NTRK3: variants seen among roughly 807,000 people sequenced by gnomAD.
The protein encoded by NTRK3 is neurotrophic receptor tyrosine kinase 3, also known as NT-3 growth factor receptor.
Under a neutral mutation model 91.7 loss-of-function variants are expected in NTRK3, and 24 were observed. The ratio of observed to expected loss-of-function variants is 0.26; its 90% CI spans 0.19 to 0.37. NTRK3 has a LOEUF of 0.37. NTRK3 is among the 10% of genes least tolerant of loss of function. The pLI is 1.00. For synonymous variants in NTRK3, 483 were observed against 404.0 expected (o/e 1.20, Z -2.34); for missense variants, 880 against 1,068.9 (o/e 0.82, Z 2.46).
chr15:88,093,529 A>C (rs2049248951), intron 13 of NTRK3, among the ~76,000 whole-genome samples: 1 of 152,198 alleles, frequency 6.6e-6, no homozygotes. Context: ...CAGACCACAC[A>C]GCTCATAAAT....
At chr15:87,963,707 T>C (rs907017647) in intron 14 of NTRK3, among the ~76,000 whole-genome samples, 1 of 152,206 alleles carries the variant, frequency 6.6e-6, no homozygotes, top group Non-Finnish European at 1.5e-5. Context: ...ATTTTCAACC[T>C]GTGATATTTT....
At chr15:87,959,593 C>A (rs1039771010) in intron 14 of NTRK3, among the ~76,000 whole-genome samples, 1 of 152,172 alleles carries the variant, frequency 6.6e-6, no homozygotes, top group Non-Finnish European at 1.5e-5. Flanking sequence ...ATTCTACCAG[C>A]AAATACCTAA....
intron 3 of NTRK3, among the ~76,000 whole-genome samples, chr15:88,230,109 T>C (rs1340353148): frequency 1.3e-5 from 2 of 152,232 alleles, no homozygotes; most frequent in East Asian, 3.9e-4. Context: ...AGTTCCATTG[T>C]CTCAGTTTCT....
intron 3 of NTRK3, among the ~76,000 whole-genome samples, chr15:88,224,707 T>A (rs1398203606): frequency 6.6e-6 from 1 of 152,232 alleles, no homozygotes; most frequent in East Asian, 1.9e-4. Flanking sequence ...AGAAACGCAC[T>A]GCCCAGGTAC....
chr15:87,997,980 C>A (rs2075824454), intron 14 of NTRK3, among the ~76,000 whole-genome samples: 1 of 152,178 alleles, frequency 6.6e-6, no homozygotes, highest in Non-Finnish European at 1.5e-5. Flanking sequence ...GTCACAAAAA[C>A]ATCATGAGCT....
intron 3 of NTRK3, among the ~76,000 whole-genome samples, chr15:88,206,906 C>A (rs2048842340): frequency 6.6e-6 from 1 of 152,296 alleles, no homozygotes; most frequent in African/African-American, 2.4e-5. Context: ...CCCAGACACA[C>A]CATTGCCCCT....
chr15:87,890,902 T>C (rs911505425), intron 17 of NTRK3, among the ~76,000 whole-genome samples: 1 of 152,200 alleles, frequency 6.6e-6, no homozygotes. Context: ...GGGTGGTTAT[T>C]ATTTCTAGGT....
intron 13 of NTRK3, among the ~76,000 whole-genome samples, chr15:88,089,023 T>C (rs1338657734): frequency 6.6e-6 from 1 of 152,096 alleles, no homozygotes; most frequent in Non-Finnish European, 1.5e-5. Flanking sequence ...GAAAGCTGAC[T>C]AGTTTCAACT....
chr15:88,189,696 G>A (rs1334359190), intron 3 of NTRK3, among the ~76,000 whole-genome samples: 2 of 151,930 alleles, frequency 1.3e-5, no homozygotes, highest in African/African-American at 2.4e-5. Flanking sequence ...CACCTGCCTC[G>A]GCCTCCCAAA....
chr15:87,882,671 TATAGA>T (rs2065316708), intron 17 of NTRK3, among the ~76,000 whole-genome samples: 2 of 152,078 alleles, frequency 1.3e-5, no homozygotes, highest in African/African-American at 4.8e-5. Flanking sequence ...GGCTGTATGT[TATAGA>T]AAGGAAAAAA....
chr15:88,253,220 TC>T (rs1343165961), intron 3 of NTRK3: 1 of 152,152 alleles, frequency 6.6e-6, no homozygotes, highest in Non-Finnish European at 1.5e-5. Flanking sequence ...CTTGATAACA[TC>T]AGAAATCTGA....
intron 3 of NTRK3, among the ~76,000 whole-genome samples, chr15:88,205,014 C>G: frequency 6.6e-6 from 1 of 152,098 alleles, no homozygotes; most frequent in East Asian, 1.9e-4. Context: ...GGGCAATATC[C>G]CACATCAGTC....
chr15:88,233,753 C>T lies in NTRK3; in HGVS notation c.248+22153G>A, dbSNP rs768673459. ...TCTCCCTTCCTTCCCTGCCCCCTTC[C>T]TCCCTACACCTTGCTCCTCCTCCCC... On this transcript the variant is annotated intron_variant, in intron 3 of 18. Coordinates refer to ENST00000394480, the Ensembl canonical transcript of NTRK3. The surrounding 1 kb of genome is among the most constrained non-coding windows in gnomAD (Gnocchi z 4.2). Among the ~76,000 whole-genome samples the T allele has an allele frequency of 1.3e-5, 2 of 151,882 alleles. No homozygotes were observed. Among genetic ancestry groups the T allele is most frequent in the Non-Finnish European group, 2.9e-5 (2 of 68,006 alleles).
At chr15:87,944,277 A>G (rs1221564017) in intron 14 of NTRK3, among the ~76,000 whole-genome samples, 1 of 152,198 alleles carries the variant, frequency 6.6e-6, no homozygotes, top group Non-Finnish European at 1.5e-5. Context: ...AATCACTTCC[A>G]TGTGGACAAC....
At chr15:87,945,539 G>C (rs529584497) in intron 14 of NTRK3, among the ~76,000 whole-genome samples, 2 of 152,260 alleles carry the variant, frequency 1.3e-5, no homozygotes, top group East Asian at 3.9e-4. Flanking sequence ...AGCCCTGAGA[G>C]GTCAGTGGGC....
At chr15:88,005,606 C>G (rs2076430899) in intron 14 of NTRK3, among the ~76,000 whole-genome samples, 1 of 152,108 alleles carries the variant, frequency 6.6e-6, no homozygotes, top group South Asian at 2.1e-4. Context: ...CAGACCACCT[C>G]AAATCTCTCC....
In NTRK3 at chr15:88,184,170, G is replaced by A. The variant is rs1286492104; in HGVS notation, c.323+55C>T. ...TCACGCCACCCCAGAAGGCAGACCA[G>A]GTGGCATCCACCCCTTCCACAGGGA... On this transcript the variant is annotated intron_variant, in intron 4 of 18. Transcript: ENST00000394480. 25 of 1,565,596 alleles carry A rather than the reference G, an allele frequency of 1.6e-5. No individual in the cohort carries two copies. The Admixed American group carries it at 1.7e-4, about 11-fold the overall frequency.
chr15:88,207,359 C>A (rs2141369188), intron 3 of NTRK3, among the ~76,000 whole-genome samples: 1 of 152,304 alleles, frequency 6.6e-6, no homozygotes, highest in South Asian at 2.1e-4. Context: ...CACTCTTTCC[C>A]CCCAACACCT....
chr15:88,040,449 T>C (rs1321524871), intron 13 of NTRK3, among the ~76,000 whole-genome samples: 2 of 151,660 alleles, frequency 1.3e-5, no homozygotes, highest in African/African-American at 4.8e-5. Flanking sequence ...GGGAAAGAGG[T>C]GGGTCACAAA....
Sources: allele counts gnomAD v4.1 joint callset (sites outside exome capture counted in the v4.1 genomes callset), GRCh38; gene constraint gnomAD v4.1.1; non-coding constraint Gnocchi (gnomAD v3.1); transcripts MANE v1.5; gene names NCBI Gene and HGNC (gene_info 2026-07-23, HGNC 2026-07-21).